The following GLDC variants were observed in gnomAD, a reference collection of about 807,000 sequenced individuals.
GLDC encodes glycine decarboxylase, also known as glycine dehydrogenase (decarboxylating), mitochondrial.
Under a neutral mutation model 121.3 loss-of-function variants are expected in GLDC, and 104 were observed. That is an observed-to-expected ratio of 0.86 (90% confidence interval 0.73 to 1.01). The LOEUF (loss-of-function observed/expected upper bound fraction) is 1.01. Ranked by LOEUF, GLDC falls within the 50% of genes least tolerant of loss-of-function variation. The pLI is 0.00. For synonymous variants in GLDC, 546 were observed against 480.6 expected (o/e 1.14, Z -1.78); for missense variants, 1,429 against 1,306.6 (o/e 1.09, Z -1.44).
chr9:6,537,889 C>T (rs1243545460), intron 22 of GLDC, among the ~76,000 whole-genome samples: 1 of 152,210 alleles, frequency 6.6e-6, no homozygotes, highest in Non-Finnish European at 1.5e-5. Context: ...ATCACATCTA[C>T]TCATCCAGCC....
At chr9:6,545,813 G>A (rs180795927) in intron 21 of GLDC, among the ~76,000 whole-genome samples, 2 of 151,966 alleles carry the variant, frequency 1.3e-5, no homozygotes, top group Non-Finnish European at 2.9e-5. Flanking sequence ...GCTAATTTTT[G>A]TATTTTTAGT....
rs868261331 is a variant in GLDC, at chr9:6,595,196, G to A, written c.1156-77C>T. 2.8e-5 allele frequency: 27 copies of A among 966,664 alleles called. 1 individual carries two copies. The Middle Eastern group carries it at 2.9e-3, about 103-fold the overall frequency. The allele number at this position is 966,664 out of a possible 1,614,324, so 59.9% of individuals were successfully genotyped here. ...AGGGTGTAATTACTTGACTTGGGAT[G>A]TCAAAACTGAAGACAGCGACAAAAC... On this transcript the variant is annotated intron_variant, in intron 8 of 24. Coordinates refer to ENST00000321612, the MANE Select transcript of GLDC (RefSeq NM_000170.3).
chr9:6,551,777 G>A (rs973438924), intron 20 of GLDC, among the ~76,000 whole-genome samples: 1 of 152,158 alleles, frequency 6.6e-6, no homozygotes, highest in African/African-American at 2.4e-5. Flanking sequence ...GGCGTGGAAG[G>A]GGAGGGCACA....
intron 8 of GLDC, among the ~76,000 whole-genome samples, chr9:6,600,652 G>T (rs892841948): frequency 6.6e-6 from 1 of 150,706 alleles, no homozygotes; most frequent in Non-Finnish European, 1.5e-5. Flanking sequence ...CCTGGGTGAC[G>T]CAGGAACAGG....
At chr9:6,641,852 T>C (rs1011208613) in intron 2 of GLDC, among the ~76,000 whole-genome samples, 1 of 152,234 alleles carries the variant, frequency 6.6e-6, no homozygotes, top group South Asian at 2.1e-4. Flanking sequence ...TCTCTGTACA[T>C]GGCAAATAAA....
chr9:6,643,490 A>G (rs913228751), intron 2 of GLDC, among the ~76,000 whole-genome samples: 1 of 151,098 alleles, frequency 6.6e-6, no homozygotes, highest in African/African-American at 2.4e-5. Context: ...TAGAAGAAAA[A>G]GAGATAAGTA....
intron 2 of GLDC, among the ~76,000 whole-genome samples, chr9:6,642,043 A>G (rs1374865664): frequency 6.6e-6 from 1 of 152,192 alleles, no homozygotes; most frequent in Admixed American, 6.5e-5. Context: ...CTCAGAGTCA[A>G]AATTCATCCT....
intron 18 of GLDC, chr9:6,554,989 A>G: frequency 3.2e-6 from 2 of 624,620 alleles, no homozygotes; most frequent in South Asian, 3.7e-5. Flanking sequence ...TGTGGTTGCT[A>G]TGGAAATAGC....
intron 4 of GLDC, 113 bp downstream of exon 4, chr9:6,610,079 G>C (rs1421837911): frequency 2.4e-6 from 2 of 838,468 alleles, no homozygotes; most frequent in Non-Finnish European, 1.9e-6. Context: ...TCTCTGAAAA[G>C]TCATACTCTA....
intron 24 of GLDC, chr9:6,533,997 G>T (rs1341770771): frequency 6.6e-6 from 1 of 152,060 alleles, no homozygotes; most frequent in Non-Finnish European, 1.5e-5. Flanking sequence ...CGGATCACGA[G>T]TTCAGGAGAT....
chr9:6,610,772 G>A lies in GLDC; in HGVS notation c.471-416C>T, dbSNP rs557451887. 1.2e-4 allele frequency among the ~76,000 whole-genome samples: 18 copies of A among 152,130 alleles called. No individual in the cohort carries two copies. The South Asian group carries it at 2.3e-3, about 19-fold the overall frequency. On this transcript the variant is annotated intron_variant, in intron 3 of 24. Transcript: ENST00000321612. Reference sequence around the variant, plus strand: ...ATGCCATCACGCTCAGCTAATTTTTGTATTCTTTGTACAGCCAGGGTTTTG... The same window carrying A: ...ATGCCATCACGCTCAGCTAATTTTTATATTCTTTGTACAGCCAGGGTTTTG...
intron 2 of GLDC, among the ~76,000 whole-genome samples, chr9:6,624,709 G>A (rs1439731709): frequency 6.6e-6 from 1 of 152,082 alleles, no homozygotes; most frequent in African/African-American, 2.4e-5. Context: ...CAGGTTGGTG[G>A]GGCACGGTGG....
At chr9:6,632,810 T>C (rs1415577197) in intron 2 of GLDC, among the ~76,000 whole-genome samples, 1 of 152,144 alleles carries the variant, frequency 6.6e-6, no homozygotes, top group Non-Finnish European at 1.5e-5. Flanking sequence ...AGTCCTCCCC[T>C]CGGCTGAACT....
In GLDC at chr9:6,606,596, C is replaced by A; in HGVS notation, c.709G>T (p.Ala237Ser). ...PQTIAVVQTR[A>S]KYTGVLTELK... ...AACACGAATCAAATTAATTACTTGG[C>A]TCGAGTCTGGACAACAGCTATTGTC... The change falls in exon 5 of 25, where the codon GCC (alanine) becomes TCC (serine). Residue 237 changes from alanine (A) to serine (S), a missense_variant. Ala to Ser is a moderately conservative substitution (Grantham distance 99, BLOSUM62 1). Coordinates refer to ENST00000321612, the MANE Select transcript of GLDC (RefSeq NM_000170.3). 6.4e-7 allele frequency: 1 copy of A among 1,574,174 alleles called. No homozygotes were observed. Among genetic ancestry groups the A allele is most frequent in the African/African-American group, 1.4e-5 (1 of 73,936 alleles).
At chr9:6,555,491 G>A (rs922894987) in intron 18 of GLDC, among the ~76,000 whole-genome samples, 6 of 151,914 alleles carry the variant, frequency 3.9e-5, no homozygotes, top group Non-Finnish European at 5.9e-5. Flanking sequence ...AAAAGAGGTC[G>A]GGCGTGGTGG....
intron 15 of GLDC, among the ~76,000 whole-genome samples, chr9:6,573,170 G>C (rs1324269114): frequency 6.6e-6 from 1 of 152,176 alleles, no homozygotes; most frequent in Non-Finnish European, 1.5e-5. Context: ...AGCTACTAGG[G>C]AGGCTGAGAC....
chr9:6,550,653 A>T (rs932770106), intron 21 of GLDC, 150 bp downstream of exon 21: 1 of 680,678 alleles, frequency 1.5e-6, no homozygotes, highest in African/African-American at 1.8e-5. Context: ...AATAAAATAA[A>T]CCCGAGTTAT....
chr9:6,618,625 A>T (rs1460148878), intron 3 of GLDC, among the ~76,000 whole-genome samples: 1 of 152,148 alleles, frequency 6.6e-6, no homozygotes, highest in Non-Finnish European at 1.5e-5. Flanking sequence ...TCTTTACATC[A>T]TACAGCAAAC....
At chr9:6,615,044 A>C (rs1343355403) in intron 3 of GLDC, among the ~76,000 whole-genome samples, 1 of 152,208 alleles carries the variant, frequency 6.6e-6, no homozygotes, top group Non-Finnish European at 1.5e-5. Context: ...GCAGGGCATG[A>C]GTGTACTTGT....
Sources: allele counts gnomAD v4.1 joint callset (sites outside exome capture counted in the v4.1 genomes callset), GRCh38; gene constraint gnomAD v4.1.1; transcripts MANE v1.5; gene names NCBI Gene and HGNC (gene_info 2026-07-23, HGNC 2026-07-21).